The following ZDHHC7 variants were observed in gnomAD, a reference collection of about 807,000 sequenced individuals.
The protein encoded by ZDHHC7 is zDHHC palmitoyltransferase 7, also known as palmitoyltransferase ZDHHC7.
ZDHHC7 carries 12 observed loss-of-function variants against 34.1 expected under a neutral mutation model. The observed-to-expected ratio is 0.35, with a 90% CI of 0.23 to 0.57. The LOEUF (loss-of-function observed/expected upper bound fraction) is 0.57. ZDHHC7 is among the 20% of genes least tolerant of loss of function. The pLI, the probability that ZDHHC7 is intolerant of heterozygous loss-of-function variation, is 0.84. For missense variants in ZDHHC7, 388 were observed against 402.7 expected, an observed-to-expected ratio of 0.96 and a Z score of 0.31; for synonymous variants, 185 against 155.4, an observed-to-expected ratio of 1.19 and a Z score of -1.42.
chr16:84,976,264 G>A lies in ZDHHC7; in HGVS notation c.*79C>T. 6.4e-7 allele frequency: 1 copy of A among 1,563,500 alleles called. No homozygotes were observed. Among genetic ancestry groups the A allele is most frequent in the Non-Finnish European group, 8.7e-7 (1 of 1,150,086 alleles). ...GGTTCCAGTTGCCCTGTTGGTCACA[G>A]ATGAGCTGTTGATATCCTTCAGACC... On this transcript the variant is annotated 3_prime_UTR_variant, in exon 8 of 8. Transcript: ENST00000313732.
rs373798925 is a variant in ZDHHC7 at position 84,975,941 on chromosome 16, C to T, written c.*402G>A. ...ATCCGGGGAGTGCACTGCTGAGTGG[C>T]GGGGTCAGCAGGAGCCCCCTGAAAT... On this transcript the variant is annotated 3_prime_UTR_variant, in exon 8 of 8. Transcript: ENST00000313732. 1.4e-5 allele frequency: 3 copies of T among 213,420 alleles called. No homozygotes were observed. The highest frequency in any genetic ancestry group is 2.8e-5 in the Non-Finnish European group (3 of 107,034). The allele number at this position is 213,420 out of a possible 1,614,324, so 13.2% of individuals were successfully genotyped here.
intron 3 of ZDHHC7, among the ~76,000 whole-genome samples, chr16:84,985,674 G>A (rs977497615): frequency 3.3e-5 from 5 of 152,082 alleles, no homozygotes; most frequent in Non-Finnish European, 7.4e-5. Flanking sequence ...ATTGAGACAG[G>A]CCAGGCACGG....
upstream of ZDHHC7, among the ~76,000 whole-genome samples, chr16:85,013,033 T>C (rs2072814574): frequency 6.6e-6 from 1 of 152,196 alleles, no homozygotes; most frequent in Non-Finnish European, 1.5e-5. Context: ...TATCCTCCCT[T>C]TTCTGCCTAA....
At chr16:85,023,942 G>C in the ZDHHC7 span, among the ~76,000 whole-genome samples, 2 of 151,768 alleles carry the variant, frequency 1.3e-5, no homozygotes, top group African/African-American at 4.8e-5. Context: ...TTTTGAGACA[G>C]AGTCTCGCTC....
At chr16:85,018,030 G>A in the ZDHHC7 span, among the ~76,000 whole-genome samples, 2 of 152,068 alleles carry the variant, frequency 1.3e-5, no homozygotes, top group Non-Finnish European at 2.9e-5. Flanking sequence ...GTGTGTTTAG[G>A]ATATTAATGA....
At chr16:84,988,939 T>C in intron 3 of ZDHHC7, 1 of 1,491,820 alleles carries the variant, frequency 6.7e-7, no homozygotes, top group Non-Finnish European at 9.1e-7. Context: ...CCCTCTCCTT[T>C]GTCGAAGTGC....
chr16:84,982,905 C>A (rs1239497688), intron 3 of ZDHHC7, among the ~76,000 whole-genome samples: 1 of 152,256 alleles, frequency 6.6e-6, no homozygotes, highest in African/African-American at 2.4e-5. Flanking sequence ...GTCACCCTAC[C>A]AGCACCATGT....
At chr16:85,002,892 G>A (rs1410136559) in intron 1 of ZDHHC7, among the ~76,000 whole-genome samples, 4 of 151,510 alleles carry the variant, frequency 2.6e-5, no homozygotes, top group South Asian at 2.1e-4. Context: ...TATGGAGACC[G>A]CAAAATGGAA....
chr16:85,017,106 A>G, the ZDHHC7 span, among the ~76,000 whole-genome samples: 2 of 152,178 alleles, frequency 1.3e-5, no homozygotes, highest in Non-Finnish European at 2.9e-5. Context: ...GCACCGGCCA[A>G]CTTGTTCAAT....
the ZDHHC7 span, among the ~76,000 whole-genome samples, chr16:85,017,927 C>T: frequency 6.6e-6 from 1 of 152,120 alleles, no homozygotes; most frequent in Non-Finnish European, 1.5e-5. Context: ...CATGAACATT[C>T]CTGGGAAAAG....
intron 3 of ZDHHC7, among the ~76,000 whole-genome samples, chr16:84,986,830 G>A (rs1014413796): frequency 6.6e-6 from 1 of 152,120 alleles, no homozygotes; most frequent in African/African-American, 2.4e-5. Flanking sequence ...CCCCTCAACT[G>A]TTCAGTTCAG....
rs1275482044 is a variant in ZDHHC7, at chr16:85,011,525, G to A, written c.-343C>T. 4 of 152,242 alleles carry A rather than the reference G, an allele frequency of 2.6e-5. No individual in the cohort carries two copies. The highest frequency in any genetic ancestry group is 5.9e-5 in the Non-Finnish European group (4 of 68,058). 9.4% of individuals were successfully genotyped at this position (152,242 alleles called of 1,614,324 possible). ...TTGGCTGGAGAGCGGGGCGGTGCGA[G>A]CGCCGGAAGTGAACCCGACGAGGTC... On this transcript the variant is annotated 5_prime_UTR_variant, in exon 1 of 8. Coordinates refer to ENST00000313732, the MANE Select transcript of ZDHHC7 (RefSeq NM_017740.3).
At chr16:85,024,950 GC>G in the ZDHHC7 span, among the ~76,000 whole-genome samples, 1 of 152,278 alleles carries the variant, frequency 6.6e-6, no homozygotes, top group South Asian at 2.1e-4. Flanking sequence ...GACAATATAA[GC>G]CTAGAGCTCT....
the ZDHHC7 span, among the ~76,000 whole-genome samples, chr16:85,023,991 C>T: frequency 3.9e-5 from 6 of 152,280 alleles, no homozygotes; most frequent in East Asian, 9.6e-4. Context: ...GATCTCAGCT[C>T]ACTGCAACCT....
intron 2 of ZDHHC7, among the ~76,000 whole-genome samples, chr16:84,994,166 C>A (rs551708533): frequency 6.6e-6 from 1 of 152,246 alleles, no homozygotes; most frequent in Non-Finnish European, 1.5e-5. Context: ...CCAGGGGGGT[C>A]TGGGTCTCCT....
rs987458381 is a variant in ZDHHC7, at chr16:84,975,092, G to T, written c.*1251C>A. On this transcript the variant is annotated 3_prime_UTR_variant, in exon 8 of 8. Coordinates refer to ENST00000313732, the MANE Select transcript of ZDHHC7 (RefSeq NM_017740.3). ...AGTTTAAGGCAAGGCCCCACGAGGG[G>T]AGCTGTTGGCTTTCTGGCATAATTT... 3.3e-5 allele frequency: 5 copies of T among 152,670 alleles called. No individual in the cohort carries two copies. Among genetic ancestry groups the T allele is most frequent in the Non-Finnish European group, 7.3e-5 (5 of 68,058 alleles). 9.5% of individuals were successfully genotyped at this position (152,670 alleles called of 1,614,324 possible).
chr16:85,020,739 G>A, the ZDHHC7 span, among the ~76,000 whole-genome samples: 1 of 152,128 alleles, frequency 6.6e-6, no homozygotes, highest in Non-Finnish European at 1.5e-5. Context: ...CCTAGCAACA[G>A]GTGAAGGACG....
At chr16:85,005,959 A>C (rs767358636) in intron 1 of ZDHHC7, among the ~76,000 whole-genome samples, 1 of 152,088 alleles carries the variant, frequency 6.6e-6, no homozygotes, top group Non-Finnish European at 1.5e-5. Context: ...CCTTTCCCAC[A>C]ACCCAAATTT....
intron 3 of ZDHHC7, among the ~76,000 whole-genome samples, chr16:84,988,240 C>T (rs1284859926): frequency 7.9e-5 from 12 of 151,256 alleles, no homozygotes; most frequent in Admixed American, 7.9e-4. Flanking sequence ...GGGCAGAGGG[C>T]GTCGGGTGGT....
Sources: allele counts gnomAD v4.1 joint callset (sites outside exome capture counted in the v4.1 genomes callset), GRCh38; gene constraint gnomAD v4.1.1; transcripts MANE v1.5; gene names NCBI Gene and HGNC (gene_info 2026-07-23, HGNC 2026-07-21).